FMN1: variants seen among roughly 807,000 people sequenced by gnomAD.
The protein encoded by FMN1 is formin 1.
FMN1 carries 110 observed loss-of-function variants against 132.4 expected under a neutral mutation model. That is an observed-to-expected ratio of 0.83 (90% CI 0.71 to 0.97). The LOEUF is 0.97. Among genes scored for constraint, FMN1 ranks in the 50% least tolerant of loss-of-function variants. FMN1 has a pLI of 0.00. For missense variants in FMN1, 1,792 were observed against 1,705.3 expected (o/e 1.05, Z -0.90); for synonymous variants, 722 against 651.7 (o/e 1.11, Z -1.64).
chr15:33,130,106 A>G (rs538174594), intron 4 of FMN1, among the ~76,000 whole-genome samples: 4 of 152,216 alleles, frequency 2.6e-5, no homozygotes, highest in Non-Finnish European at 5.9e-5. Flanking sequence ...TACTGGGATT[A>G]TAGGCATGAG....
At chr15:32,972,723 A>G (rs1490258120) in intron 7 of FMN1, among the ~76,000 whole-genome samples, 1 of 152,114 alleles carries the variant, frequency 6.6e-6, no homozygotes, top group Non-Finnish European at 1.5e-5. Flanking sequence ...ATCTTTCTAG[A>G]TGATCTCATA....
intron 7 of FMN1, among the ~76,000 whole-genome samples, chr15:33,003,668 T>G (rs1315468289): frequency 6.6e-6 from 1 of 152,178 alleles, no homozygotes; most frequent in East Asian, 1.9e-4. Flanking sequence ...ACCAATGACT[T>G]TCTTCACAGA....
intron 4 of FMN1, among the ~76,000 whole-genome samples, chr15:33,146,647 C>G (rs753684433): frequency 2.0e-4 from 30 of 152,040 alleles, no homozygotes; most frequent in Non-Finnish European, 3.4e-4. Context: ...AGAGGAACTC[C>G]AAGGGGATGG....
intron 16 of FMN1, among the ~76,000 whole-genome samples, chr15:32,858,843 C>T (rs902113992): frequency 1.3e-5 from 2 of 152,158 alleles, no homozygotes; most frequent in African/African-American, 4.8e-5. Context: ...AGCTTCTCTG[C>T]TATTATGAGA....
At chr15:33,172,065 G>A (rs951521828) in intron 3 of FMN1, among the ~76,000 whole-genome samples, 3 of 152,174 alleles carry the variant, frequency 2.0e-5, no homozygotes, top group African/African-American at 7.2e-5. Flanking sequence ...AAAATTAGCC[G>A]GGCGTGGTGG....
At position 33,133,160 on chromosome 15, in the gene FMN1, G is replaced by A. The variant is rs1963620646; in HGVS notation, c.1867+19888C>T. Among the ~76,000 whole-genome samples the A allele has an allele frequency of 3.9e-5, 6 of 152,130 alleles. No individual in the cohort carries two copies. The South Asian group carries it at 1.2e-3, about 32-fold the overall frequency. On this transcript the variant is annotated intron_variant, in intron 4 of 20. Transcript: ENST00000616417. ...CAACAGTTAACTCACAAGGAAGAGG[G>A]GATTATGCAACTGAGTTCATGGGGA... is the stretch of plus-strand genomic sequence containing the variant.
At chr15:33,048,787 A>C (rs1031342782) in intron 6 of FMN1, among the ~76,000 whole-genome samples, 1 of 152,050 alleles carries the variant, frequency 6.6e-6, no homozygotes, top group Non-Finnish European at 1.5e-5. Flanking sequence ...ACTTCCACTT[A>C]TAAAACCATC....
chr15:32,890,095 T>C (rs113113886), intron 15 of FMN1, among the ~76,000 whole-genome samples: 406 of 152,356 alleles, frequency 2.7e-3, no homozygotes, highest in Non-Finnish European at 4.5e-3. Context: ...CCGAAAATGC[T>C]GTTAATTCAT....
chr15:33,136,812 G>C (rs1051232985), intron 4 of FMN1, among the ~76,000 whole-genome samples: 4 of 152,120 alleles, frequency 2.6e-5, no homozygotes, highest in Admixed American at 2.6e-4. Context: ...AACATGCCAG[G>C]CATGGTGGCT....
chr15:32,888,959 A>G (rs1319284455), intron 15 of FMN1, among the ~76,000 whole-genome samples: 1 of 151,740 alleles, frequency 6.6e-6, no homozygotes, highest in Non-Finnish European at 1.5e-5. Context: ...TCCAGGTCCA[A>G]GCGATCCTTC....
At chr15:33,073,732 G>GTTTTTTTT (rs763275526) in intron 5 of FMN1, among the ~76,000 whole-genome samples, 1 of 109,902 alleles carries the variant, frequency 9.1e-6, no homozygotes, top group African/African-American at 3.2e-5. Flanking sequence ...TACCTAGCTT[G>GTTTTTTTT]TTTTTTTTTT....
At chr15:33,118,378 C>G (rs1354027073) in intron 4 of FMN1, among the ~76,000 whole-genome samples, 5 of 152,008 alleles carry the variant, frequency 3.3e-5, no homozygotes, top group Admixed American at 1.3e-4. Context: ...ACTAAGAAGT[C>G]CATCTAAATG....
chr15:32,955,822 TGTGTGC>T (rs574658807), intron 9 of FMN1, among the ~76,000 whole-genome samples: 75 of 152,190 alleles, frequency 4.9e-4, no homozygotes, highest in African/African-American at 1.5e-3. Context: ...TGTGTGTGTG[TGTGTGC>T]GTGCGCGCAC....
chr15:32,787,153 AAAC>A lies in FMN1; in HGVS notation c.4131-10237_4131-10235del, dbSNP rs540648261. 1.1e-3 allele frequency among the ~76,000 whole-genome samples: 160 copies of A among 152,342 alleles called. 2 individuals are homozygous for A. The highest frequency in any genetic ancestry group is 3.5e-3 in the African/African-American group (145 of 41,582). ...AAAGTCACTCCCTACTGTAAGAAAA[AAAC>A]AACAACAAACTCATTAATTTCTCAA... On this transcript the variant is annotated intron_variant, in intron 19 of 20. Coordinates refer to ENST00000616417, the MANE Select transcript of FMN1 (RefSeq NM_001277313.2).
In FMN1 at chr15:32,776,952, G is replaced by C. The variant is rs780347166; in HGVS notation, c.4131-33C>G. ...AGAAATAGGGAAAAGACAGGGGAGA[G>C]AGGGAAAAGAAAGGAAGAGGGAAAA... is the stretch of plus-strand genomic sequence containing the variant. On this transcript the variant is annotated intron_variant, in intron 19 of 20. Transcript: ENST00000616417. 4 of 1,307,656 alleles carry C rather than the reference G, an allele frequency of 3.1e-6. No homozygotes were observed. In the Admixed American group the frequency reaches 5.9e-5, roughly 19 times the overall value. The allele number at this position is 1,307,656 out of a possible 1,614,324, so 81.0% of individuals were successfully genotyped here.
chr15:32,778,343 G>T (rs760432751), intron 19 of FMN1, among the ~76,000 whole-genome samples: 1 of 148,434 alleles, frequency 6.7e-6, no homozygotes, highest in Non-Finnish European at 1.5e-5. Flanking sequence ...GCAGTGATGC[G>T]ATCTCAGCTC....
In FMN1 at chr15:32,968,878, C is replaced by A; in HGVS notation, c.2823G>T (p.Gly941=). ...PNSPAPPNPG[G]PPPAPPPPGL... ...CTGGGGGTGGTGGAGCAGGAGGAGG[C>A]CCTCCAGGGTTGGGTGGGGCAGGGG... Residue 941 remains glycine, a synonymous_variant, in exon 8 of 21, where the codon GGG becomes GGT. Coordinates refer to ENST00000616417, the MANE Select transcript of FMN1 (RefSeq NM_001277313.2). 2 of 1,149,642 alleles carry A rather than the reference C, an allele frequency of 1.7e-6. No individual in the cohort carries two copies. Among genetic ancestry groups the A allele is most frequent in the South Asian group, 2.9e-5 (2 of 69,022 alleles). The allele number at this position is 1,149,642 out of a possible 1,614,324, so 71.2% of individuals were successfully genotyped here.
intron 9 of FMN1, among the ~76,000 whole-genome samples, chr15:32,951,873 T>C (rs1567452711): frequency 6.6e-6 from 1 of 152,134 alleles, no homozygotes; most frequent in Non-Finnish European, 1.5e-5. Context: ...ACTACCACCT[T>C]CCATACTTAG....
chr15:32,795,592 T>G (rs74011985), intron 19 of FMN1, among the ~76,000 whole-genome samples: 7,504 of 135,538 alleles, frequency 0.055, 659 homozygotes, highest in African/African-American at 0.19. Flanking sequence ...TTAATGGGGG[T>G]GGGGGGGTGG....
Sources: gnomAD v4.1 joint callset for allele counts (sites outside exome capture counted in the v4.1 genomes callset) on GRCh38, gnomAD v4.1.1 for gene constraint, MANE v1.5 for transcripts, NCBI Gene and HGNC (gene_info 2026-07-23, HGNC 2026-07-21) for gene names.